The following FGGY variants were observed in gnomAD, a reference collection of about 807,000 sequenced individuals.
The protein encoded by FGGY is FGGY carbohydrate kinase domain-containing protein.
In FGGY, 72 loss-of-function variants were observed where a neutral mutation model predicts 71.3. The observed-to-expected ratio is 1.01, with a 90% CI of 0.84 to 1.23. FGGY has a LOEUF of 1.23. FGGY is among the 50% of genes most tolerant of loss of function. The pLI is 0.00. For missense variants in FGGY, 668 were observed against 682.3 expected (o/e 0.98, Z 0.23); for synonymous variants, 251 against 250.3 (o/e 1.00, Z -0.02).
chr1:59,340,122 C>A, intron 3 of FGGY, 53 bp downstream of exon 3: 3 of 1,280,790 alleles, frequency 2.3e-6, no homozygotes, highest in Non-Finnish European at 3.3e-6. Flanking sequence ...GCTGATTAAT[C>A]CAATGGGCCC....
chr1:59,450,523 A>G (rs573766839), intron 5 of FGGY, among the ~76,000 whole-genome samples: 2 of 152,162 alleles, frequency 1.3e-5, no homozygotes, highest in South Asian at 2.1e-4. Context: ...CTCCTCCTAT[A>G]TGAGTATACA....
intron 9 of FGGY, among the ~76,000 whole-genome samples, chr1:59,611,490 C>T (rs1373573931): frequency 6.6e-6 from 1 of 152,156 alleles, no homozygotes; most frequent in Admixed American, 6.5e-5. Context: ...ACACCAAAAC[C>T]CAATCTGTAC....
chr1:59,592,892 A>G (rs991780545), intron 8 of FGGY, among the ~76,000 whole-genome samples: 2 of 152,220 alleles, frequency 1.3e-5, no homozygotes, highest in African/African-American at 4.8e-5. Flanking sequence ...ATATATAACT[A>G]ACCGGCACAT....
chr1:59,546,519 TG>T lies in FGGY; in HGVS notation c.800-7604del, dbSNP rs1558302959. Among the ~76,000 whole-genome samples, 579 of 146,002 alleles carry T rather than the reference TG, an allele frequency of 4.0e-3. 7 individuals are homozygous for T. Among genetic ancestry groups the T allele is most frequent in the South Asian group, 0.014 (62 of 4,458 alleles). Reference sequence around the variant, plus strand: ...ATGATGATGATGATGATGATGATGATGATGATGATGATGATGATTATTATTA... The same window carrying T: ...ATGATGATGATGATGATGATGATGATATGATGATGATGATGATTATTATTA... On this transcript the variant is annotated intron_variant, in intron 7 of 15. Coordinates refer to ENST00000303721, the MANE Select transcript of FGGY (RefSeq NM_018291.5).
chr1:59,688,815 T>C (rs1252094966), intron 14 of FGGY, among the ~76,000 whole-genome samples: 1 of 151,550 alleles, frequency 6.6e-6, no homozygotes, highest in Admixed American at 6.6e-5. Flanking sequence ...AGTGGCGCAA[T>C]CTTGGCTCAC....
intron 8 of FGGY, among the ~76,000 whole-genome samples, chr1:59,555,906 C>T (rs1248682069): frequency 2.6e-5 from 4 of 152,124 alleles, no homozygotes; most frequent in Admixed American, 2.6e-4. Context: ...GAGGCTGAGG[C>T]AGGAGAATTG....
rs559427248 is a variant in FGGY, at chr1:59,606,527, A to AT, written c.904-1267dup. 1.0e-3 allele frequency among the ~76,000 whole-genome samples: 157 copies of AT among 151,350 alleles called. 1 individual carries two copies. The South Asian group carries it at 0.013, about 12-fold the overall frequency. On this transcript the variant is annotated intron_variant, in intron 8 of 15. Coordinates refer to ENST00000303721, the MANE Select transcript of FGGY (RefSeq NM_018291.5). ...TAGTCATTGGCTGTTATGTATTAAC[A>AT]TTTTTTTTTCAGGGGAAACAGGACT... is the stretch of plus-strand genomic sequence containing the variant.
At chr1:59,661,263 T>G (rs970286286) in intron 12 of FGGY, among the ~76,000 whole-genome samples, 3 of 152,218 alleles carry the variant, frequency 2.0e-5, no homozygotes, top group African/African-American at 7.2e-5. Context: ...CCAACAGAAG[T>G]GCTTTTTTAA....
rs2049135256 is a variant in FGGY, at chr1:59,334,718, A to G, written c.202-5240A>G. On this transcript the variant is annotated intron_variant, in intron 2 of 15. Coordinates refer to ENST00000303721, the MANE Select transcript of FGGY (RefSeq NM_018291.5). ...CCAAACAGGAAAAAAATAATTATAT[A>G]TTTTAAGGTGAATTTCACTAAATGA... is the stretch of plus-strand genomic sequence containing the variant. Among the ~76,000 whole-genome samples, 4 of 152,152 alleles carry G rather than the reference A, an allele frequency of 2.6e-5. No homozygotes were observed. The South Asian group carries it at 8.3e-4, about 31-fold the overall frequency.
intron 14 of FGGY, among the ~76,000 whole-genome samples, chr1:59,741,699 G>C (rs2098149532): frequency 6.6e-6 from 1 of 152,070 alleles, no homozygotes; most frequent in Non-Finnish European, 1.5e-5. Flanking sequence ...CACTTTGGGA[G>C]GCCGAGGCAG....
intron 5 of FGGY, among the ~76,000 whole-genome samples, chr1:59,410,722 C>T (rs754894445): frequency 4.6e-5 from 7 of 152,174 alleles, no homozygotes; most frequent in South Asian, 2.1e-4. Flanking sequence ...CTCTGAGGCT[C>T]GGGCAGGTAA....
chr1:59,358,033 C>T (rs1292365473), intron 4 of FGGY, among the ~76,000 whole-genome samples: 2 of 152,146 alleles, frequency 1.3e-5, no homozygotes, highest in Non-Finnish European at 2.9e-5. Context: ...GTCACACTTA[C>T]TGGAGGAAAA....
intron 7 of FGGY, among the ~76,000 whole-genome samples, chr1:59,535,248 A>T (rs2153672350): frequency 6.6e-6 from 1 of 152,174 alleles, no homozygotes; most frequent in African/African-American, 2.4e-5. Context: ...CCATTACATA[A>T]TGGTAAAGGG....
chr1:59,511,939 GT>G (rs2094528341), intron 6 of FGGY, among the ~76,000 whole-genome samples: 1 of 152,176 alleles, frequency 6.6e-6, no homozygotes, highest in South Asian at 2.1e-4. Flanking sequence ...GTTTACGTGC[GT>G]TTAAGTAGGT....
intron 14 of FGGY, among the ~76,000 whole-genome samples, chr1:59,689,271 A>G (rs1217483541): frequency 6.6e-6 from 1 of 152,204 alleles, no homozygotes; most frequent in African/African-American, 2.4e-5. Context: ...TAGGACAGGC[A>G]GAGAAGCAGC....
At chr1:59,439,752 C>A (rs1481460133) in intron 5 of FGGY, among the ~76,000 whole-genome samples, 1 of 152,184 alleles carries the variant, frequency 6.6e-6, no homozygotes, top group Non-Finnish European at 1.5e-5. Flanking sequence ...CCATATCCTT[C>A]TCTTCCCTAG....
At chr1:59,727,215 C>T (rs1415182176) in intron 14 of FGGY, among the ~76,000 whole-genome samples, 1 of 152,116 alleles carries the variant, frequency 6.6e-6, no homozygotes. Context: ...TTGAAAAGGA[C>T]GTGATTTTTT....
chr1:59,464,982 A>G (rs1342329483), intron 6 of FGGY, among the ~76,000 whole-genome samples: 2 of 152,254 alleles, frequency 1.3e-5, no homozygotes, highest in South Asian at 2.1e-4. Flanking sequence ...CAATCAATAG[A>G]AAAAGAGGGT....
chr1:59,504,463 C>G (rs1447665986), intron 6 of FGGY, among the ~76,000 whole-genome samples: 2 of 152,238 alleles, frequency 1.3e-5, no homozygotes, highest in Non-Finnish European at 2.9e-5. Context: ...AGATCTGATG[C>G]AATCTCCAAG....
Sources: allele counts gnomAD v4.1 joint callset (sites outside exome capture counted in the v4.1 genomes callset), GRCh38; gene constraint gnomAD v4.1.1; transcripts MANE v1.5; gene names NCBI Gene and HGNC (gene_info 2026-07-23, HGNC 2026-07-21).